The following UNC13C variants were observed in gnomAD, a reference collection of about 807,000 sequenced individuals.
UNC13C encodes the protein unc-13 homolog C, also known as protein unc-13 homolog C.
UNC13C carries 174 observed loss-of-function variants against 245.4 expected under a neutral mutation model. The observed-to-expected ratio is 0.71, with a 90% confidence interval of 0.63 to 0.80. The LOEUF (loss-of-function observed/expected upper bound fraction) is 0.80, where lower values mean the gene tolerates loss of function less well. Ranked by LOEUF, UNC13C falls within the 30% of genes least tolerant of loss-of-function variation. The pLI is 0.00. For missense variants in UNC13C, 2,829 were observed against 2,602.9 expected (o/e 1.09, Z -1.89); for synonymous variants, 992 against 895.1 (o/e 1.11, Z -1.93).
intron 19 of UNC13C, among the ~76,000 whole-genome samples, chr15:54,450,126 T>C (rs1439757039): frequency 6.6e-6 from 1 of 152,184 alleles, no homozygotes; most frequent in Non-Finnish European, 1.5e-5. Flanking sequence ...ATCGTTCCTC[T>C]GGAAGTTTCG....
At chr15:54,032,022 A>G (rs1252384194) in intron 2 of UNC13C, among the ~76,000 whole-genome samples, 7 of 152,186 alleles carry the variant, frequency 4.6e-5, no homozygotes, top group Admixed American at 1.3e-4. Flanking sequence ...GGAAGTATTA[A>G]TTAGAAGGAT....
At chr15:54,261,917 A>G (rs1347628597) in intron 8 of UNC13C, among the ~76,000 whole-genome samples, 1 of 152,180 alleles carries the variant, frequency 6.6e-6, no homozygotes, top group African/African-American at 2.4e-5. Context: ...ATATGTCTCT[A>G]TTAACCTGCT....
chr15:54,143,338 G>A (rs1021319657), intron 3 of UNC13C, among the ~76,000 whole-genome samples: 2 of 152,122 alleles, frequency 1.3e-5, no homozygotes, highest in Admixed American at 6.6e-5. Flanking sequence ...ACTGATTCAT[G>A]ATCTTCACTG....
At chr15:54,318,567 C>A (rs758525311) in intron 13 of UNC13C, among the ~76,000 whole-genome samples, 1 of 151,756 alleles carries the variant, frequency 6.6e-6, no homozygotes, top group Admixed American at 6.6e-5. Flanking sequence ...CATTTTTACT[C>A]GGATTATTTG....
At chr15:54,368,136 A>T (rs1375862192) in intron 17 of UNC13C, among the ~76,000 whole-genome samples, 3 of 152,050 alleles carry the variant, frequency 2.0e-5, no homozygotes, top group Admixed American at 2.0e-4. Context: ...CATTTCAGAG[A>T]TTACTAGCCA....
At chr15:54,059,925 T>C (rs1468542366) in intron 2 of UNC13C, among the ~76,000 whole-genome samples, 3 of 152,190 alleles carry the variant, frequency 2.0e-5, no homozygotes, top group Admixed American at 6.5e-5. Context: ...TGGAGAAAGC[T>C]GAAACTGGAT....
At chr15:54,222,595 T>G (rs2035258568) in intron 4 of UNC13C, among the ~76,000 whole-genome samples, 1 of 152,086 alleles carries the variant, frequency 6.6e-6, no homozygotes, top group African/African-American at 2.4e-5. Flanking sequence ...TTCCTTTCCT[T>G]TGGGTATATA....
intron 4 of UNC13C, among the ~76,000 whole-genome samples, chr15:54,219,794 C>G (rs1370729979): frequency 6.6e-6 from 1 of 151,108 alleles, no homozygotes; most frequent in African/African-American, 2.4e-5. Flanking sequence ...AGGATATGAA[C>G]AGACACTTCT....
chr15:54,133,077 T>C (rs1238410387), intron 2 of UNC13C, among the ~76,000 whole-genome samples: 1 of 152,046 alleles, frequency 6.6e-6, no homozygotes, highest in African/African-American at 2.4e-5. Flanking sequence ...ATATTTATTT[T>C]TCGTGGTAAC....
chr15:54,607,415 T>C (rs1211357202), intron 30 of UNC13C, among the ~76,000 whole-genome samples: 1 of 152,214 alleles, frequency 6.6e-6, no homozygotes, highest in African/African-American at 2.4e-5. Flanking sequence ...AGAAAAAATA[T>C]TATTAATCCT....
intron 2 of UNC13C, among the ~76,000 whole-genome samples, chr15:54,113,719 G>C (rs576041286): frequency 6.6e-6 from 1 of 152,036 alleles, no homozygotes; most frequent in South Asian, 2.1e-4. Flanking sequence ...CCAGTTACTC[G>C]GGAGGCTGAG....
At chr15:53,902,405 T>C in the UNC13C span, among the ~76,000 whole-genome samples, 2 of 152,144 alleles carry the variant, frequency 1.3e-5, no homozygotes, top group African/African-American at 4.8e-5. Context: ...AAGACTGATA[T>C]GGTCAGTAAG....
intron 4 of UNC13C, among the ~76,000 whole-genome samples, chr15:54,155,857 A>T (rs968807417): frequency 6.6e-6 from 1 of 152,216 alleles, no homozygotes; most frequent in African/African-American, 2.4e-5. Flanking sequence ...TAAAATGCAG[A>T]CCAGAAAGCA....
At chr15:53,958,577 G>C in the UNC13C span, among the ~76,000 whole-genome samples, 1 of 152,112 alleles carries the variant, frequency 6.6e-6, no homozygotes, top group Non-Finnish European at 1.5e-5. Flanking sequence ...TTTGATAGTG[G>C]AATTATGATG....
intron 10 of UNC13C, among the ~76,000 whole-genome samples, chr15:54,267,838 T>G (rs1248679623): frequency 6.6e-6 from 1 of 152,086 alleles, no homozygotes; most frequent in Non-Finnish European, 1.5e-5. Context: ...TGGTCATTAT[T>G]TCTTTAAATA....
chr15:54,620,268 C>T (rs551313468), intron 30 of UNC13C, among the ~76,000 whole-genome samples: 470 of 152,186 alleles, frequency 3.1e-3, no homozygotes, highest in African/African-American at 0.011. Context: ...TTGAAAAACA[C>T]ACACACAGGT....
chr15:54,344,156 A>G (rs1164992918), intron 17 of UNC13C, among the ~76,000 whole-genome samples: 1 of 152,234 alleles, frequency 6.6e-6, no homozygotes, highest in Non-Finnish European at 1.5e-5. Context: ...GGTCAAAGAG[A>G]GAATCTTTAT....
chr15:53,974,153 T>C (rs150907498), upstream of UNC13C, among the ~76,000 whole-genome samples: 260 of 152,294 alleles, frequency 1.7e-3, 2 homozygotes, highest in African/African-American at 6.1e-3. Context: ...AGAAAATGTA[T>C]GTAATAACAC....
At chr15:54,080,628 T>G (rs921989642) in intron 2 of UNC13C, among the ~76,000 whole-genome samples, 4 of 152,090 alleles carry the variant, frequency 2.6e-5, no homozygotes, top group Non-Finnish European at 4.4e-5. Context: ...TAGTAGTCTT[T>G]ATGGATCTTT....
Sources: gnomAD v4.1 joint callset for allele counts (sites outside exome capture counted in the v4.1 genomes callset) on GRCh38, gnomAD v4.1.1 for gene constraint, MANE v1.5 for transcripts, NCBI Gene and HGNC (gene_info 2026-07-23, HGNC 2026-07-21) for gene names.